CREB3L1: variants seen among roughly 807,000 people sequenced by gnomAD.
CREB3L1 encodes cyclic AMP-responsive element-binding protein 3-like protein 1.
A neutral mutation model predicts 54.5 loss-of-function variants in CREB3L1; 33 were observed. That is an observed-to-expected ratio of 0.61 (90% CI 0.46 to 0.81). The LOEUF (loss-of-function observed/expected upper bound fraction) is 0.81. Among genes scored for constraint, CREB3L1 ranks in the 30% least tolerant of loss-of-function variants. The probability of loss-of-function intolerance (pLI) is 0.00; values close to 1 mark genes in which losing one functional copy is unlikely to be tolerated. For missense variants in CREB3L1, 656 were observed against 673.3 expected (o/e 0.97, Z 0.29); for synonymous variants, 284 against 286.4 (o/e 0.99, Z 0.08).
At chr11:46,282,905 T>C (rs1205586780) in intron 1 of CREB3L1, among the ~76,000 whole-genome samples, 2 of 152,214 alleles carry the variant, frequency 1.3e-5, no homozygotes, top group Non-Finnish European at 2.9e-5. Context: ...TTTCCAATTA[T>C]GTTCCTTTGC....
At chr11:46,288,065 T>A (rs900540720) in intron 1 of CREB3L1, among the ~76,000 whole-genome samples, 6 of 152,056 alleles carry the variant, frequency 3.9e-5, no homozygotes, top group South Asian at 2.1e-4. Context: ...TACACTCTTT[T>A]TTTTATTTTA....
intron 1 of CREB3L1, among the ~76,000 whole-genome samples, chr11:46,283,366 A>G (rs980701373): frequency 1.3e-5 from 2 of 152,242 alleles, no homozygotes; most frequent in African/African-American, 4.8e-5. Flanking sequence ...CCAAACAGAA[A>G]GAGTACCACA....
At chr11:46,312,754 C>G in intron 7 of CREB3L1, 84 bp downstream of exon 7, 1 of 1,546,078 alleles carries the variant, frequency 6.5e-7, no homozygotes, top group Non-Finnish European at 8.8e-7. Context: ...GCAGCAGAGG[C>G]AGGGGGCACA....
intron 2 of CREB3L1, among the ~76,000 whole-genome samples, chr11:46,300,401 G>T (rs1939279156): frequency 6.6e-6 from 1 of 152,222 alleles, no homozygotes; most frequent in African/African-American, 2.4e-5. Context: ...TACAAAGTGT[G>T]GTTCCCAGAC....
intron 8 of CREB3L1, among the ~76,000 whole-genome samples, chr11:46,313,345 C>T (rs966815612): frequency 6.6e-6 from 1 of 152,130 alleles, no homozygotes; most frequent in African/African-American, 2.4e-5. Flanking sequence ...CCTTGTTACT[C>T]AAAGCCAGCT....
Position 46,312,349 on chromosome 11 carries a change from C to T in CREB3L1, c.778C>T (p.Leu260=). 1.9e-6 allele frequency: 3 copies of T among 1,609,142 alleles called. No homozygotes were observed. Among genetic ancestry groups the T allele is most frequent in the Non-Finnish European group, 2.5e-6 (3 of 1,177,632 alleles). ...GAAATTACAGGGGACATCAGGGCCA[C>T]TGCTCCTGACAGAGGAGGAGAAGCG... ...PHKLQGTSGP[L]LLTEEEKRTL... The change falls in exon 6 of 12, where the codon CTG becomes TTG. Residue 260 remains leucine (L), a synonymous_variant. Transcript: ENST00000621158.
chr11:46,297,925 T>C (rs1191674751), intron 1 of CREB3L1, among the ~76,000 whole-genome samples: 1 of 152,208 alleles, frequency 6.6e-6, no homozygotes, highest in Non-Finnish European at 1.5e-5. Flanking sequence ...GTGTTTTATA[T>C]GTACAGTATT....
chr11:46,319,364 C>T (rs948452189), intron 10 of CREB3L1, among the ~76,000 whole-genome samples: 1 of 152,218 alleles, frequency 6.6e-6, no homozygotes, highest in African/African-American at 2.4e-5. Flanking sequence ...GACAATTTCC[C>T]TGAGTGCCTG....
chr11:46,289,425 G>C (rs975228701), intron 1 of CREB3L1, among the ~76,000 whole-genome samples: 23 of 152,136 alleles, frequency 1.5e-4, no homozygotes, highest in Non-Finnish European at 7.3e-5. Flanking sequence ...CGAAAGAAGG[G>C]TAACGTTTAG....
chr11:46,315,970 A>C (rs1219907498), intron 8 of CREB3L1: 5 of 287,766 alleles, frequency 1.7e-5, no homozygotes, highest in Admixed American at 4.9e-5. Flanking sequence ...AAACTGTGGC[A>C]GGTGTCGGTT....
In CREB3L1 at chr11:46,307,820, A is replaced by T. The variant is rs772125369; in HGVS notation, c.336A>T (p.Ala112=). ...PIKMEDTTQD[A]EHGAWALGHK... ...GAGCCTTTCCCCTTCCCCTAGATGC[A>T]GAGCATGGAGCATGGGCGCTGGGAC... Residue 112 remains alanine (A), a synonymous_variant, in exon 3 of 12, where the codon GCA becomes GCT. Coordinates refer to ENST00000621158, the MANE Select transcript of CREB3L1 (RefSeq NM_052854.4). The T allele has an allele frequency of 4.5e-6, 7 of 1,565,140 alleles. No individual in the cohort carries two copies. The African/African-American group carries it at 8.2e-5, about 18-fold the overall frequency.
At chr11:46,308,024 C>A in intron 3 of CREB3L1, 24 bp downstream of exon 3, 2 of 1,488,996 alleles carry the variant, frequency 1.3e-6, no homozygotes, top group East Asian at 2.5e-5. Context: ...CTGTTTGTAG[C>A]GGCTGAGGGA....
intron 9 of CREB3L1, 58 bp downstream of exon 9, chr11:46,316,443 C>A: frequency 2.5e-6 from 3 of 1,197,412 alleles, no homozygotes; most frequent in Admixed American, 2.0e-5. Flanking sequence ...CCAAGGCTGG[C>A]TTTTTCCAGG....
chr11:46,307,758 C>T, intron 2 of CREB3L1, 58 bp from the exon 3 acceptor site: 1 of 1,402,726 alleles, frequency 7.1e-7, no homozygotes, highest in Non-Finnish European at 9.5e-7. Context: ...TCCCAGGGGG[C>T]AGGCAGGGGG....
Position 46,307,852 on chromosome 11 carries a change from T to C in CREB3L1, c.368T>C (p.Leu123Pro). ...GGAGCATGGGCGCTGGGACACAAAC[T>C]GTGCTCCATCATGGTGAAGCAGGAG... The part of the protein sequence containing the change: ...EHGAWALGHK[L>P]CSIMVKQEQS... Residue 123 changes from leucine to proline, a missense_variant, in exon 3 of 12, where the codon CTG becomes CCG. Coordinates refer to ENST00000621158, the MANE Select transcript of CREB3L1 (RefSeq NM_052854.4). 3 of 1,583,148 alleles carry C rather than the reference T, an allele frequency of 1.9e-6. No homozygotes were observed. The highest frequency in any genetic ancestry group is 2.6e-6 in the Non-Finnish European group (3 of 1,164,724).
At chr11:46,281,138 G>A (rs529668311) in intron 1 of CREB3L1, among the ~76,000 whole-genome samples, 83 of 152,134 alleles carry the variant, frequency 5.5e-4, no homozygotes, top group Non-Finnish European at 1.1e-3. Context: ...CTGTTTATGC[G>A]ATTCTCAGAG....
At chr11:46,302,109 A>G (rs916183074) in intron 2 of CREB3L1, among the ~76,000 whole-genome samples, 1 of 151,150 alleles carries the variant, frequency 6.6e-6, no homozygotes, top group Non-Finnish European at 1.5e-5. Context: ...CGGAGCTTGC[A>G]GTGAGCTGAG....
chr11:46,309,408 T>C (rs977083481), intron 3 of CREB3L1, among the ~76,000 whole-genome samples: 1 of 152,222 alleles, frequency 6.6e-6, no homozygotes, highest in African/African-American at 2.4e-5. Flanking sequence ...CAAGTCAGAA[T>C]AGAAATAAAG....
intron 1 of CREB3L1, among the ~76,000 whole-genome samples, chr11:46,298,922 T>A (rs1939251219): frequency 6.6e-6 from 1 of 152,188 alleles, no homozygotes; most frequent in African/African-American, 2.4e-5. Flanking sequence ...AGGTAGGAAC[T>A]ATTAATATTA....
Sources: gnomAD v4.1 joint callset for allele counts (sites outside exome capture counted in the v4.1 genomes callset) on GRCh38, gnomAD v4.1.1 for gene constraint, MANE v1.5 for transcripts, NCBI Gene and HGNC (gene_info 2026-07-23, HGNC 2026-07-21) for gene names.